The following SLC6A6 variants were observed in gnomAD, a reference collection of about 807,000 sequenced individuals.
SLC6A6 encodes sodium- and chloride-dependent taurine transporter.
A neutral mutation model predicts 68.8 loss-of-function variants in SLC6A6; 16 were observed. The ratio of observed to expected loss-of-function variants is 0.23; its 90% CI spans 0.16 to 0.35. The LOEUF is 0.35. Among genes scored for constraint, SLC6A6 ranks in the 10% least tolerant of loss-of-function variants. The pLI, the probability that SLC6A6 is intolerant of heterozygous loss-of-function variation, is 1.00. For synonymous variants in SLC6A6, 312 were observed against 315.4 expected, an observed-to-expected ratio of 0.99 and a Z score of 0.12; for missense variants, 474 against 802.8, an observed-to-expected ratio of 0.59 and a Z score of 4.95.
At chr3:14,445,462 GA>G (rs1327223688) in intron 3 of SLC6A6, among the ~76,000 whole-genome samples, 1 of 122,264 alleles carries the variant, frequency 8.2e-6, no homozygotes, top group Non-Finnish European at 1.7e-5. Context: ...AAGAAAGAAA[GA>G]AAAAAAAGAA....
intron 9 of SLC6A6, among the ~76,000 whole-genome samples, chr3:14,471,130 C>CTTTTTTTTT (rs754511089): frequency 7.5e-4 from 62 of 82,958 alleles, no homozygotes; most frequent in South Asian, 9.4e-4. Flanking sequence ...TGCTTCTTGA[C>CTTTTTTTTT]TTTTTTTTTT....
chr3:14,483,317 C>T (rs1701053675), intron 14 of SLC6A6, among the ~76,000 whole-genome samples: 1 of 152,210 alleles, frequency 6.6e-6, no homozygotes, highest in African/African-American at 2.4e-5. Context: ...GTCTGTCTTT[C>T]TTTATGTGCC....
chr3:14,469,600 C>G (rs574184851), intron 9 of SLC6A6, among the ~76,000 whole-genome samples: 2 of 152,298 alleles, frequency 1.3e-5, no homozygotes, highest in South Asian at 2.1e-4. Context: ...ATCCTGTCCA[C>G]TATTTCTCCA....
At chr3:14,430,331 G>A (rs375963874) in intron 2 of SLC6A6, among the ~76,000 whole-genome samples, 9 of 152,056 alleles carry the variant, frequency 5.9e-5, no homozygotes, top group African/African-American at 9.7e-5. Flanking sequence ...GTCAGGGCAC[G>A]CCTCCAAGGA....
rs1700622842 is a variant in SLC6A6, at chr3:14,466,503, C to T, written c.733-13C>T. 1 of 1,607,214 alleles carries T rather than the reference C, an allele frequency of 6.2e-7. No homozygotes were observed. Among genetic ancestry groups the T allele is most frequent in the Non-Finnish European group, 8.5e-7 (1 of 1,175,578 alleles). ...GATGCCCATGGCCTCCTGAATCCCT[C>T]TCGCCCTTGCAGGTCGTCTACTTCA... On this transcript the variant is annotated splice_polypyrimidine_tract_variant and intron_variant, in intron 6 of 14. Transcript: ENST00000622186.
At chr3:14,415,486 C>G (rs1699342566) in intron 1 of SLC6A6, among the ~76,000 whole-genome samples, 1 of 152,204 alleles carries the variant, frequency 6.6e-6, no homozygotes, top group South Asian at 2.1e-4. Flanking sequence ...CTCCCATGCC[C>G]TCTCCCCCTG....
rs1231841427 is a variant in SLC6A6, at chr3:14,466,539, T to C, written c.756T>C (p.Phe252=). 6.2e-7 allele frequency: 1 copy of C among 1,612,296 alleles called. No homozygotes were observed. The highest frequency in any genetic ancestry group is 2.2e-5 in the East Asian group (1 of 44,866). Residue 252 remains phenylalanine, a synonymous_variant, in exon 7 of 15, where the codon TTT becomes TTC. Transcript: ENST00000622186. ...AGGTCGTCTACTTCACAGCCACTTTTCCATTCGCCATGCTCCTGGTGCTGC... is the reference window on the plus strand; with the variant it reads ...AGGTCGTCTACTTCACAGCCACTTTCCCATTCGCCATGCTCCTGGTGCTGC... ...TGKVVYFTAT[F]PFAMLLVLLV... is the part of the protein sequence containing the mutation.
intron 11 of SLC6A6, 49 bp from the exon 12 acceptor site, chr3:14,478,417 A>G (rs767520992): frequency 8.7e-7 from 1 of 1,149,260 alleles, no homozygotes; most frequent in African/African-American, 1.5e-5. Context: ...TATGAAAGAA[A>G]TTGGAGACCA....
intron 10 of SLC6A6, among the ~76,000 whole-genome samples, chr3:14,475,082 A>T (rs111828385): frequency 3.7e-4 from 56 of 152,268 alleles, no homozygotes; most frequent in African/African-American, 1.3e-3. Flanking sequence ...CCCAGGTTAG[A>T]GTGCAGTGGC....
rs113563777 is a variant in SLC6A6 at position 14,485,122 on chromosome 3, T to A, written c.*115T>A. 2.2e-5 allele frequency: 18 copies of A among 822,248 alleles called. 1 individual carries two copies. Among genetic ancestry groups the A allele is most frequent in the African/African-American group, 1.6e-4 (9 of 57,906 alleles). The allele number at this position is 822,248 out of a possible 1,614,324, so 50.9% of individuals were successfully genotyped here. Reference sequence around the variant, plus strand: ...CACTAGGATTTTTTTTTTTTTGTAATTGTCACAGAAAATGTAATTGTGGGT... The same window carrying A: ...CACTAGGATTTTTTTTTTTTTGTAAATGTCACAGAAAATGTAATTGTGGGT... On this transcript the variant is annotated 3_prime_UTR_variant, in exon 15 of 15. Coordinates refer to ENST00000622186, the MANE Select transcript of SLC6A6 (RefSeq NM_003043.6).
At chr3:14,474,759 C>T (rs1469938782) in intron 10 of SLC6A6, among the ~76,000 whole-genome samples, 2 of 152,220 alleles carry the variant, frequency 1.3e-5, no homozygotes, top group Non-Finnish European at 2.9e-5. Flanking sequence ...CCCAACTGGC[C>T]TTCCCCTTGA....
At chr3:14,432,550 T>G (rs1223255133) in intron 2 of SLC6A6, 1 of 152,384 alleles carries the variant, frequency 6.6e-6, no homozygotes, top group Non-Finnish European at 1.5e-5. Context: ...TGGCTCCCTC[T>G]GACCCTTCAC....
In SLC6A6 at chr3:14,457,965, C is replaced by T. The variant is rs765906100; in HGVS notation, c.615C>T (p.Ser205=). 2 of 1,614,080 alleles carry T rather than the reference C, an allele frequency of 1.2e-6. No individual in the cohort carries two copies. Among genetic ancestry groups the T allele is most frequent in the East Asian group, 2.2e-5 (1 of 44,900 alleles). The change falls in exon 6 of 15, where the codon AGC becomes AGT. Residue 205 remains serine (S), a synonymous_variant. Transcript: ENST00000622186. ...TTGCTTCAAGGCGCAACGTGCTGAG[C>T]TTGTCCCCTGGAATCGACCACCCAG... The part of the protein sequence containing the change: ...VIEFWERNVL[S]LSPGIDHPGS...
rs1460470510 is a variant in SLC6A6, at chr3:14,456,257, AG to A, written c.600-1688del. On this transcript the variant is annotated intron_variant, in intron 5 of 14. Transcript: ENST00000622186. ...TTATCATGTTGACATCCCTGGTGCCAGGGGGAGCCCACTGATGTCGCTGTGA... is the reference window on the plus strand; with the variant it reads ...TTATCATGTTGACATCCCTGGTGCCAGGGGAGCCCACTGATGTCGCTGTGA... Among the ~76,000 whole-genome samples the A allele has an allele frequency of 1.8e-4, 27 of 152,358 alleles. No individual in the cohort carries two copies. In the South Asian group the frequency reaches 4.1e-3, roughly 23 times the overall value.
chr3:14,408,472 C>T (rs141990291), intron 1 of SLC6A6, among the ~76,000 whole-genome samples: 2,643 of 152,078 alleles, frequency 0.017, 85 homozygotes, highest in African/African-American at 0.051. Flanking sequence ...GTAGCTGGGA[C>T]TACCGGCACG....
chr3:14,429,039 C>T (rs1386678118), intron 2 of SLC6A6, among the ~76,000 whole-genome samples: 1 of 152,294 alleles, frequency 6.6e-6, no homozygotes, highest in East Asian at 1.9e-4. Context: ...CCTCTGCACC[C>T]CCCTACCCCC....
chr3:14,474,002 G>A (rs550595975), intron 10 of SLC6A6, among the ~76,000 whole-genome samples: 10 of 152,306 alleles, frequency 6.6e-5, no homozygotes, highest in Non-Finnish European at 1.0e-4. Flanking sequence ...GGGAGGCCCC[G>A]TGTCAGTGGC....
At position 14,472,745 on chromosome 3, in the gene SLC6A6, G is replaced by C. The variant is rs1403441070; in HGVS notation, c.1209+428G>C. On this transcript the variant is annotated intron_variant, in intron 10 of 14. Transcript: ENST00000622186. The surrounding 1 kb of genome is among the most constrained non-coding windows in gnomAD (Gnocchi z 4.5). ...GAGGACATGGCAGATGGGCGATTCG[G>C]AGAAGGGACCCACATTTCTGTGTGA... 6.6e-6 allele frequency among the ~76,000 whole-genome samples: 1 copy of C among 152,196 alleles called. No individual in the cohort carries two copies. The highest frequency in any genetic ancestry group is 6.5e-5 in the Admixed American group (1 of 15,286).
chr3:14,464,450 G>A (rs1285742888), intron 6 of SLC6A6, among the ~76,000 whole-genome samples: 4 of 152,202 alleles, frequency 2.6e-5, no homozygotes, highest in Non-Finnish European at 4.4e-5. Flanking sequence ...GAAAATAGAC[G>A]TCACAGCATT....
Sources: allele counts gnomAD v4.1 joint callset (sites outside exome capture counted in the v4.1 genomes callset), GRCh38; gene constraint gnomAD v4.1.1; non-coding constraint Gnocchi (gnomAD v3.1); transcripts MANE v1.5; gene names NCBI Gene and HGNC (gene_info 2026-07-23, HGNC 2026-07-21).